The following EFR3B variants were observed in gnomAD, a reference collection of about 807,000 sequenced individuals.
EFR3B encodes EFR3 homolog B.
EFR3B carries 64 observed loss-of-function variants against 104.7 expected under a neutral mutation model. The ratio of observed to expected loss-of-function variants is 0.61; its 90% CI spans 0.50 to 0.75. The LOEUF (loss-of-function observed/expected upper bound fraction) is 0.75. Ranked by LOEUF, EFR3B falls within the 30% of genes least tolerant of loss-of-function variation. The probability of loss-of-function intolerance (pLI) is 0.00; values close to 1 mark genes in which losing one functional copy is unlikely to be tolerated. For synonymous variants in EFR3B, 385 were observed against 417.9 expected (o/e 0.92, Z 0.96); for missense variants, 750 against 1,078.5 (o/e 0.70, Z 4.27).
rs555892323 is a variant in EFR3B at position 25,103,673 on chromosome 2, G to A, written c.249G>A (p.Leu83=). The A allele has an allele frequency of 6.4e-7, 1 of 1,551,552 alleles. No individual in the cohort carries two copies. Among genetic ancestry groups the A allele is most frequent in the Admixed American group, 2.0e-5 (1 of 50,984 alleles). ...VCIAMEALDQ[L]LMACHCQSIN... is the part of the protein sequence containing the mutation. ...TTGCTATGGAGGCTTTGGACCAGCT[G>A]CTCATGGCCTGCCACTGCCAGAGCA... The change falls in exon 4 of 23, where the codon CTG becomes CTA. Residue 83 remains leucine (L), a synonymous_variant. Coordinates refer to ENST00000403714, the MANE Select transcript of EFR3B (RefSeq NM_014971.2).
At chr2:25,105,331 A>ACC (rs1669534588) in intron 4 of EFR3B, among the ~76,000 whole-genome samples, 2 of 152,036 alleles carry the variant, frequency 1.3e-5, no homozygotes, top group African/African-American at 2.4e-5. Context: ...ATTTGTTTTT[A>ACC]GAAGAGACGG....
intron 1 of EFR3B, among the ~76,000 whole-genome samples, chr2:25,047,224 C>A (rs1432318478): frequency 6.6e-6 from 1 of 152,206 alleles, no homozygotes; most frequent in Non-Finnish European, 1.5e-5. Flanking sequence ...AATTACCGCT[C>A]TGGTTTTGTG....
chr2:25,153,661 G>A, intron 21 of EFR3B, 51 bp from the exon 22 acceptor site: 1 of 1,546,998 alleles, frequency 6.5e-7, no homozygotes, highest in South Asian at 1.2e-5. Flanking sequence ...AGCTGGCAGA[G>A]GTTCTGGACC....
At position 25,137,629 on chromosome 2, in the gene EFR3B, C is replaced by T. The variant is rs1369990655; in HGVS notation, c.1722+127C>T. On this transcript the variant is annotated intron_variant, in intron 15 of 22. Coordinates refer to ENST00000403714, the MANE Select transcript of EFR3B (RefSeq NM_014971.2). This position sits in a 1 kb window ranked among gnomAD's most constrained non-coding sequence, Gnocchi z 4.7. ...TTTTGGAGCCCAGGAATATTGTACT[C>T]GTGGTTGGCCACGCCTCCCTGAAGA... The T allele has an allele frequency of 1.5e-5, 21 of 1,376,964 alleles. No individual in the cohort carries two copies. Among genetic ancestry groups the T allele is most frequent in the Admixed American group, 2.4e-5 (1 of 41,456 alleles). 85.3% of individuals were successfully genotyped at this position (1,376,964 alleles called of 1,614,324 possible). A position where few individuals can be genotyped will look rare whatever the true frequency, so the allele number is the denominator to read the frequency against.
At chr2:25,066,491 A>G (rs1668341255) in intron 1 of EFR3B, among the ~76,000 whole-genome samples, 1 of 151,680 alleles carries the variant, frequency 6.6e-6, no homozygotes, top group Non-Finnish European at 1.5e-5. Context: ...GCACCCCCAC[A>G]CTTTTGCTGA....
intron 1 of EFR3B, among the ~76,000 whole-genome samples, chr2:25,050,488 T>A (rs567573934): frequency 7.2e-5 from 11 of 152,210 alleles, no homozygotes; most frequent in Non-Finnish European, 1.3e-4. Flanking sequence ...CTTAAAAAAA[T>A]TTTTTTCCAT....
At chr2:25,067,025 G>C (rs1448821127) in intron 1 of EFR3B, among the ~76,000 whole-genome samples, 1 of 152,190 alleles carries the variant, frequency 6.6e-6, no homozygotes, top group Admixed American at 6.5e-5. Context: ...AATTACATGA[G>C]TAATACTTCT....
intron 4 of EFR3B, among the ~76,000 whole-genome samples, chr2:25,106,295 G>GTT (rs958322841): frequency 3.4e-5 from 5 of 145,714 alleles, no homozygotes; most frequent in Non-Finnish European, 6.1e-5. Context: ...CACCTCTGGA[G>GTT]TTTTTTTTTT....
chr2:25,151,705 G>A (rs1311194238), intron 20 of EFR3B, among the ~76,000 whole-genome samples: 1 of 152,208 alleles, frequency 6.6e-6, no homozygotes, highest in Non-Finnish European at 1.5e-5. Context: ...ATTCTTACAT[G>A]AGGAAGAAGG....
chr2:25,145,087 C>T (rs1388152046), intron 19 of EFR3B, 36 bp downstream of exon 19: 3 of 1,540,874 alleles, frequency 1.9e-6, no homozygotes, highest in Non-Finnish European at 2.6e-6. Context: ...GGCAGCCCCA[C>T]CTCCTGTAGA....
chr2:25,091,459 G>A (rs1380804801), intron 2 of EFR3B, 58 bp downstream of exon 2: 18 of 1,472,562 alleles, frequency 1.2e-5, no homozygotes, highest in African/African-American at 5.7e-5. Flanking sequence ...GGCCTCTGAC[G>A]GGGGCAGCTT....
Position 25,129,985 on chromosome 2 carries a change from T to C in EFR3B, c.646T>C (p.Ser216Pro). Residue 216 changes from serine (S) to proline (P), a missense_variant, in exon 7 of 23, where the codon TCA becomes CCA. Coordinates refer to ENST00000403714, the MANE Select transcript of EFR3B (RefSeq NM_014971.2). Reference protein sequence around the residue: ...HVEEAESRSPSPLQAPEKEKE... With the variant: ...HVEEAESRSPPPLQAPEKEKE... Reference sequence around the variant, plus strand: ...CCTCTGTCTCCCCAGCCGGTCTCCCTCACCCCTCCAAGCACCTGAGAAGGA... The same window carrying C: ...CCTCTGTCTCCCCAGCCGGTCTCCCCCACCCCTCCAAGCACCTGAGAAGGA... 6.4e-7 allele frequency: 1 copy of C among 1,551,590 alleles called. No individual in the cohort carries two copies. Among genetic ancestry groups the C allele is most frequent in the Non-Finnish European group, 8.7e-7 (1 of 1,146,996 alleles).
At chr2:25,132,705 G>A (rs1377930542) in intron 10 of EFR3B, among the ~76,000 whole-genome samples, 198 bp from the exon 11 acceptor site, 1 of 152,040 alleles carries the variant, frequency 6.6e-6, no homozygotes, top group Non-Finnish European at 1.5e-5. Flanking sequence ...ACGGAGCCTG[G>A]AAGAGACCTC....
chr2:25,100,491 C>T (rs1669401090), intron 3 of EFR3B, among the ~76,000 whole-genome samples: 1 of 152,002 alleles, frequency 6.6e-6, no homozygotes, highest in Non-Finnish European at 1.5e-5. Flanking sequence ...ACTTTACCTC[C>T]CCTGTATTTT....
chr2:25,079,019 A>C (rs1035406674), intron 1 of EFR3B, among the ~76,000 whole-genome samples: 4 of 152,158 alleles, frequency 2.6e-5, no homozygotes, highest in Non-Finnish European at 5.9e-5. Flanking sequence ...GCTGCTAGAC[A>C]CAGAGTGTTC....
chr2:25,085,538 C>T (rs1668925813), intron 1 of EFR3B, among the ~76,000 whole-genome samples: 1 of 152,120 alleles, frequency 6.6e-6, no homozygotes, highest in Non-Finnish European at 1.5e-5. Flanking sequence ...AATCTCAGCT[C>T]ACTGCATCCT....
rs964676674 is a variant in EFR3B at position 25,136,682 on chromosome 2, C to T, written c.1560+84C>T. 1.2e-5 allele frequency: 15 copies of T among 1,206,156 alleles called. No individual in the cohort carries two copies. The highest frequency in any genetic ancestry group is 6.6e-5 in the South Asian group (5 of 75,340). The allele number at this position is 1,206,156 out of a possible 1,614,324, so 74.7% of individuals were successfully genotyped here. On this transcript the variant is annotated intron_variant, in intron 14 of 22. Coordinates refer to ENST00000403714, the MANE Select transcript of EFR3B (RefSeq NM_014971.2). The surrounding 1 kb of genome is among the most constrained non-coding windows in gnomAD (Gnocchi z 4.0). ...ATCCCAGCACTTTGGGAGGCTGAGG[C>T]GGGCGGATAGATCACTTGAGGTGGG...
intron 4 of EFR3B, among the ~76,000 whole-genome samples, chr2:25,115,396 G>A (rs1419114086): frequency 1.3e-5 from 2 of 152,176 alleles, no homozygotes; most frequent in East Asian, 1.9e-4. Context: ...TGTCGCAAGC[G>A]GGTTGAGCTG....
intron 1 of EFR3B, among the ~76,000 whole-genome samples, chr2:25,079,747 A>C (rs1668737786): frequency 6.6e-6 from 1 of 152,232 alleles, no homozygotes; most frequent in Non-Finnish European, 1.5e-5. Context: ...TGTTCTATAA[A>C]TAGAATTAAA....
Sources: gnomAD v4.1 joint callset for allele counts (sites outside exome capture counted in the v4.1 genomes callset) on GRCh38, gnomAD v4.1.1 for gene constraint, Gnocchi (gnomAD v3.1) non-coding constraint, MANE v1.5 for transcripts, NCBI Gene and HGNC (gene_info 2026-07-23, HGNC 2026-07-21) for gene names.